SYT16: variants seen among roughly 807,000 people sequenced by gnomAD.
The protein encoded by SYT16 is synaptotagmin-16.
A neutral mutation model predicts 61.4 loss-of-function variants in SYT16; 42 were observed. The ratio of observed to expected loss-of-function variants is 0.68; its 90% CI spans 0.53 to 0.89. The LOEUF is 0.89. Ranked by LOEUF, SYT16 falls within the 40% of genes least tolerant of loss-of-function variation. The pLI is 0.00. For missense variants in SYT16, 804 were observed against 807.3 expected (o/e 1.00, Z 0.05); for synonymous variants, 314 against 302.3 (o/e 1.04, Z -0.40).
chr14:61,830,327 A>C (rs1300890262), intron 1 of SYT16, among the ~76,000 whole-genome samples: 1 of 152,250 alleles, frequency 6.6e-6, no homozygotes, highest in South Asian at 2.1e-4. Context: ...TGAGTATTAC[A>C]TAATGAGATT....
intron 1 of SYT16, among the ~76,000 whole-genome samples, chr14:61,937,478 G>A (rs1006578336): frequency 6.6e-6 from 1 of 152,138 alleles, no homozygotes; most frequent in African/African-American, 2.4e-5. Context: ...TTCCAACTCC[G>A]ACCTGTGCTC....
At chr14:62,053,933 A>T (rs1308851357) in intron 3 of SYT16, among the ~76,000 whole-genome samples, 1 of 152,212 alleles carries the variant, frequency 6.6e-6, no homozygotes, top group African/African-American at 2.4e-5. Flanking sequence ...ATTTATTTTC[A>T]TCATGAATCA....
chr14:62,019,404 G>A (rs190209846), intron 3 of SYT16, among the ~76,000 whole-genome samples: 19 of 152,204 alleles, frequency 1.2e-4, no homozygotes, highest in Admixed American at 1.0e-3. Flanking sequence ...GGAGCCATCT[G>A]GGTTCAAATG....
At chr14:62,025,391 A>G (rs1013193746) in intron 3 of SYT16, among the ~76,000 whole-genome samples, 2 of 152,110 alleles carry the variant, frequency 1.3e-5, no homozygotes, top group Non-Finnish European at 2.9e-5. Context: ...CCATTGGTAT[A>G]TATTTTCTGG....
chr14:61,988,985 A>G, intron 2 of SYT16, among the ~76,000 whole-genome samples: 1 of 152,132 alleles, frequency 6.6e-6, no homozygotes, highest in Admixed American at 6.5e-5. Flanking sequence ...TATTACACAT[A>G]TAAACCTGGG....
chr14:62,043,407 C>CTTT (rs1203186408), intron 3 of SYT16, among the ~76,000 whole-genome samples: 52 of 122,536 alleles, frequency 4.2e-4, no homozygotes, highest in African/African-American at 1.4e-3. Context: ...ATTTTTCTTT[C>CTTT]TTTTTTTTTT....
chr14:61,870,307 C>T (rs1022519358), intron 1 of SYT16, among the ~76,000 whole-genome samples: 1 of 151,948 alleles, frequency 6.6e-6, no homozygotes, highest in Admixed American at 6.6e-5. Context: ...TTCTGACTTG[C>T]ATTGTTTCTG....
intron 3 of SYT16, among the ~76,000 whole-genome samples, chr14:62,060,147 C>T (rs1176063925): frequency 1.3e-5 from 2 of 151,938 alleles, no homozygotes; most frequent in Non-Finnish European, 2.9e-5. Flanking sequence ...TCAAACTTGA[C>T]AAAAAATATC....
chr14:62,024,816 C>T (rs2054040168), intron 3 of SYT16, among the ~76,000 whole-genome samples: 2 of 152,108 alleles, frequency 1.3e-5, no homozygotes, highest in Admixed American at 1.3e-4. Context: ...TAACCCCTGA[C>T]AACCACTGAT....
chr14:62,100,329 C>G, intron 7 of SYT16, 65 bp from the exon 8 acceptor site: 1 of 1,384,428 alleles, frequency 7.2e-7, no homozygotes. Flanking sequence ...TACAGCTAGT[C>G]TAGCCAAACA....
At chr14:61,876,834 A>G (rs185372780) in intron 1 of SYT16, among the ~76,000 whole-genome samples, 39 of 152,296 alleles carry the variant, frequency 2.6e-4, no homozygotes, top group Admixed American at 2.5e-3. Context: ...AGGGAATTCA[A>G]TTATTCCAGC....
intron 1 of SYT16, among the ~76,000 whole-genome samples, chr14:61,871,761 C>T (rs544816565): frequency 4.6e-5 from 7 of 152,130 alleles, no homozygotes; most frequent in South Asian, 2.1e-4. Flanking sequence ...AAAACAATAC[C>T]GCATTATAGA....
At chr14:62,070,752 A>G (rs923613912) in intron 4 of SYT16, among the ~76,000 whole-genome samples, 3 of 152,218 alleles carry the variant, frequency 2.0e-5, no homozygotes, top group African/African-American at 7.2e-5. Context: ...AGAAAATGCT[A>G]TGCCACCCAC....
chr14:61,862,769 A>G (rs530742491), intron 1 of SYT16, among the ~76,000 whole-genome samples: 2 of 152,290 alleles, frequency 1.3e-5, no homozygotes, highest in African/African-American at 2.4e-5. Flanking sequence ...TGCTCTGTCC[A>G]TTCGTCCTTC....
intron 1 of SYT16, among the ~76,000 whole-genome samples, chr14:61,962,116 G>C (rs1296381540): frequency 6.6e-6 from 1 of 152,112 alleles, no homozygotes; most frequent in African/African-American, 2.4e-5. Flanking sequence ...GGGCCTACTT[G>C]AGGATGGAGA....
intron 3 of SYT16, among the ~76,000 whole-genome samples, chr14:62,046,169 T>C (rs2140869609): frequency 6.6e-6 from 1 of 152,290 alleles, no homozygotes; most frequent in African/African-American, 2.4e-5. Context: ...TGGTATCTCA[T>C]TGTGGTTTTG....
chr14:61,861,597 G>C (rs528295410), intron 1 of SYT16, among the ~76,000 whole-genome samples: 51 of 152,224 alleles, frequency 3.4e-4, no homozygotes, highest in Middle Eastern at 3.4e-3. Flanking sequence ...TAGAAAGGGG[G>C]TTTTGGCATG....
At chr14:62,028,372 C>G (rs1434319781) in intron 3 of SYT16, among the ~76,000 whole-genome samples, 1 of 152,182 alleles carries the variant, frequency 6.6e-6, no homozygotes, top group Non-Finnish European at 1.5e-5. Flanking sequence ...ATCCTCCCAA[C>G]AATTCTGTAA....
intron 3 of SYT16, among the ~76,000 whole-genome samples, chr14:62,045,379 C>A (rs1301948441): frequency 6.6e-6 from 1 of 151,854 alleles, no homozygotes; most frequent in African/African-American, 2.4e-5. Context: ...TATGTTAAGT[C>A]TTTTGGAATT....
Sources: gnomAD v4.1 joint callset for allele counts (sites outside exome capture counted in the v4.1 genomes callset) on GRCh38, gnomAD v4.1.1 for gene constraint, MANE v1.5 for transcripts, NCBI Gene and HGNC (gene_info 2026-07-23, HGNC 2026-07-21) for gene names.